Variants in PPP1R16B observed in about 807,000 individuals in gnomAD.
PPP1R16B encodes protein phosphatase 1 regulatory subunit 16B, also known as protein phosphatase 1 regulatory inhibitor subunit 16B.
PPP1R16B carries 14 observed loss-of-function variants against 61.7 expected under a neutral mutation model. That is an observed-to-expected ratio of 0.23 (90% CI 0.15 to 0.35). The LOEUF is 0.35. Among genes scored for constraint, PPP1R16B ranks in the 10% least tolerant of loss-of-function variants. The pLI, the probability that PPP1R16B is intolerant of heterozygous loss-of-function variation, is 1.00. For missense variants in PPP1R16B, 547 were observed against 752.5 expected, an observed-to-expected ratio of 0.73 and a Z score of 3.19; for synonymous variants, 266 against 305.3, an observed-to-expected ratio of 0.87 and a Z score of 1.34.
At chr20:38,848,292 T>C (rs1397513961) in intron 2 of PPP1R16B, among the ~76,000 whole-genome samples, 1 of 152,220 alleles carries the variant, frequency 6.6e-6, no homozygotes, top group Non-Finnish European at 1.5e-5. Context: ...TTCATTTTAG[T>C]ATAGAGTACT....
chr20:38,855,982 A>AGAGAGGGAGGAGGAGGAGGAGG, intron 2 of PPP1R16B, among the ~76,000 whole-genome samples: 1 of 41,576 alleles, frequency 2.4e-5, no homozygotes, highest in African/African-American at 1.5e-4. Context: ...AGAGAGAGAG[A>AGAGAGGGAGGAGGAGGAGGAGG]AGGAGGAGGA....
chr20:38,917,492 A>G (rs982820299), intron 10 of PPP1R16B, among the ~76,000 whole-genome samples: 1 of 152,152 alleles, frequency 6.6e-6, no homozygotes, highest in African/African-American at 2.4e-5. Context: ...TTTAGGAAGC[A>G]GCTACTTTTC....
intron 2 of PPP1R16B, among the ~76,000 whole-genome samples, chr20:38,856,036 T>A (rs1412272807): frequency 3.5e-5 from 5 of 142,762 alleles, no homozygotes; most frequent in Non-Finnish European, 7.6e-5. Context: ...CAGGATTCCC[T>A]TGATGGTTCC....
intron 2 of PPP1R16B, among the ~76,000 whole-genome samples, chr20:38,837,022 C>T (rs1465968546): frequency 6.6e-6 from 1 of 152,240 alleles, no homozygotes; most frequent in African/African-American, 2.4e-5. Context: ...CAGGATCTTG[C>T]AATTCATAAA....
At chr20:38,857,304 G>T (rs950955142) in intron 2 of PPP1R16B, among the ~76,000 whole-genome samples, 1 of 152,174 alleles carries the variant, frequency 6.6e-6, no homozygotes, top group African/African-American at 2.4e-5. Flanking sequence ...GCCATGTCAA[G>T]GATCATCTAG....
intron 1 of PPP1R16B, among the ~76,000 whole-genome samples, chr20:38,811,908 C>T (rs933200084): frequency 6.6e-6 from 1 of 152,170 alleles, no homozygotes; most frequent in Non-Finnish European, 1.5e-5. Context: ...CCATAAGGTC[C>T]GTGACTGTGT....
At chr20:38,845,947 G>A (rs1405190861) in intron 2 of PPP1R16B, among the ~76,000 whole-genome samples, 1 of 152,194 alleles carries the variant, frequency 6.6e-6, no homozygotes. Flanking sequence ...AGAGCCTATG[G>A]TGGTCACTGG....
intron 2 of PPP1R16B, among the ~76,000 whole-genome samples, chr20:38,843,151 C>T (rs1472054151): frequency 6.6e-6 from 1 of 152,202 alleles, no homozygotes; most frequent in African/African-American, 2.4e-5. Context: ...GTTCTATCTA[C>T]CCATATTTAC....
intron 2 of PPP1R16B, 96 bp from the exon 3 acceptor site, chr20:38,889,499 C>T (rs758795097): frequency 2.2e-5 from 24 of 1,099,698 alleles, no homozygotes; most frequent in Non-Finnish European, 3.2e-5. Flanking sequence ...CTACATTCTT[C>T]ATAGGCCTGG....
chr20:38,904,433 G>A (rs2145776539), intron 6 of PPP1R16B, among the ~76,000 whole-genome samples: 1 of 152,324 alleles, frequency 6.6e-6, no homozygotes, highest in South Asian at 2.1e-4. Context: ...CTGTGTGAAA[G>A]TGCTTAGCAC....
In PPP1R16B at chr20:38,815,444, T is replaced by C. The variant is rs189983868; in HGVS notation, c.-102+9652T>C. On this transcript the variant is annotated intron_variant, in intron 1 of 10. Coordinates refer to ENST00000299824, the MANE Select transcript of PPP1R16B (RefSeq NM_015568.4). ...TGGCTAAGATAGTTTCCAGTTTTTT[T>C]CCTCCTACAAATGTATAATGTTGCA... Among the ~76,000 whole-genome samples, 390 of 152,372 alleles carry C rather than the reference T, an allele frequency of 2.6e-3. 1 individual carries two copies. The highest frequency in any genetic ancestry group is 3.2e-3 in the Non-Finnish European group (218 of 68,034).
chr20:38,846,488 C>T (rs1375301193), intron 2 of PPP1R16B, among the ~76,000 whole-genome samples: 2 of 152,114 alleles, frequency 1.3e-5, no homozygotes. Context: ...TCTCAGAAGC[C>T]TGGAAGAAAG....
chr20:38,903,555 ATCCATCCATCCG>A (rs2085413773), intron 6 of PPP1R16B, among the ~76,000 whole-genome samples: 2 of 119,038 alleles, frequency 1.7e-5, no homozygotes, highest in Non-Finnish European at 3.4e-5. Flanking sequence ...CCATCCATCC[ATCCATCCATCCG>A]TCCGTCCGTC....
chr20:38,896,171 C>T (rs1485241399), intron 4 of PPP1R16B, among the ~76,000 whole-genome samples: 1 of 92,684 alleles, frequency 1.1e-5, no homozygotes, highest in South Asian at 3.5e-4. Flanking sequence ...CCCTTCCTTC[C>T]TTCTTTCTTC....
intron 10 of PPP1R16B, among the ~76,000 whole-genome samples, chr20:38,908,486 A>C (rs915723168): frequency 5.3e-5 from 8 of 152,222 alleles, no homozygotes; most frequent in African/African-American, 1.9e-4. Context: ...AGTGTCCGCT[A>C]TGCGCCTAGC....
intron 2 of PPP1R16B, among the ~76,000 whole-genome samples, chr20:38,879,488 A>T (rs991195615): frequency 2.6e-5 from 4 of 152,220 alleles, no homozygotes; most frequent in South Asian, 2.1e-4. Context: ...ATTGAAAAAG[A>T]TTAACTGCAG....
chr20:38,849,409 T>C (rs534539491), intron 2 of PPP1R16B, among the ~76,000 whole-genome samples: 1 of 152,298 alleles, frequency 6.6e-6, no homozygotes, highest in South Asian at 2.1e-4. Flanking sequence ...TTCATATTCT[T>C]TTATGACATG....
At position 38,918,261 on chromosome 20, in the gene PPP1R16B, T is replaced by C. The variant is rs1223575070; in HGVS notation, c.1299T>C (p.Ser433=). The C allele has an allele frequency of 2.5e-6, 4 of 1,614,108 alleles. No individual in the cohort carries two copies. The highest frequency in any genetic ancestry group is 3.4e-6 in the Non-Finnish European group (4 of 1,180,056). The change falls in exon 11 of 11, where the codon AGT becomes AGC. Residue 433 remains serine, a synonymous_variant. Coordinates refer to ENST00000299824, the MANE Select transcript of PPP1R16B (RefSeq NM_015568.4). The surrounding 1 kb of genome is among the most constrained non-coding windows in gnomAD (Gnocchi z 5.3). ...PVENGLRAPV[S]AYQYALANGD... ...AGAATGGCCTCCGGGCTCCGGTCAG[T>C]GCCTACCAGTATGCGCTGGCCAACG...
chr20:38,857,255 G>C (rs564393682), intron 2 of PPP1R16B, among the ~76,000 whole-genome samples: 109 of 152,328 alleles, frequency 7.2e-4, no homozygotes, highest in African/African-American at 2.6e-3. Flanking sequence ...TCTCTCTTCT[G>C]TCTGACAGCC....
Sources: gnomAD v4.1 joint callset for allele counts (sites outside exome capture counted in the v4.1 genomes callset) on GRCh38, gnomAD v4.1.1 for gene constraint, Gnocchi (gnomAD v3.1) non-coding constraint, MANE v1.5 for transcripts, NCBI Gene and HGNC (gene_info 2026-07-23, HGNC 2026-07-21) for gene names.